Variants in SORCS3 observed in about 807,000 individuals in gnomAD.
The protein encoded by SORCS3 is VPS10 domain-containing receptor SorCS3.
A neutral mutation model predicts 146.3 loss-of-function variants in SORCS3; 57 were observed. That is an observed-to-expected ratio of 0.39 (90% CI 0.31 to 0.49). The LOEUF is 0.49. Among genes scored for constraint, SORCS3 ranks in the 20% least tolerant of loss-of-function variants. The pLI, the probability that SORCS3 is intolerant of heterozygous loss-of-function variation, is 0.92. For synonymous variants in SORCS3, 653 were observed against 618.5 expected, an observed-to-expected ratio of 1.06 and a Z score of -0.83; for missense variants, 1,341 against 1,575.5, an observed-to-expected ratio of 0.85 and a Z score of 2.52.
At position 105,022,401 on chromosome 10, in the gene SORCS3, G is replaced by A. The variant is rs1444654485; in HGVS notation, c.955-20654G>A. ...CAACCTCTGCCCCCTAGGTTCAAGC[G>A]ATTCTACTGCCTCAGCTCCCTGAGT... On this transcript the variant is annotated intron_variant, in intron 4 of 26. Coordinates refer to ENST00000369701, the MANE Select transcript of SORCS3 (RefSeq NM_014978.3). 2.7e-5 allele frequency among the ~76,000 whole-genome samples: 4 copies of A among 150,550 alleles called. No homozygotes were observed. In the South Asian group the frequency reaches 6.3e-4, roughly 24 times the overall value.
At chr10:104,662,869 A>G (rs2015720289) in intron 1 of SORCS3, among the ~76,000 whole-genome samples, 2 of 152,172 alleles carry the variant, frequency 1.3e-5, no homozygotes, top group East Asian at 1.9e-4. Context: ...GGCACTGGGA[A>G]CTCTTAGTAA....
chr10:105,024,511 A>G (rs1380233826), intron 4 of SORCS3, among the ~76,000 whole-genome samples: 1 of 152,178 alleles, frequency 6.6e-6, no homozygotes, highest in Non-Finnish European at 1.5e-5. Flanking sequence ...CACAGCCCTG[A>G]AATAAGAAGA....
At chr10:105,246,569 A>G (rs1422564623) in intron 21 of SORCS3, among the ~76,000 whole-genome samples, 4 of 152,230 alleles carry the variant, frequency 2.6e-5, no homozygotes, top group Non-Finnish European at 5.9e-5. Flanking sequence ...GCCTCACACC[A>G]GGTAAATTCT....
chr10:105,135,546 G>T (rs756896713), intron 7 of SORCS3, among the ~76,000 whole-genome samples: 1 of 152,188 alleles, frequency 6.6e-6, no homozygotes, highest in Non-Finnish European at 1.5e-5. Context: ...TACATGGCCA[G>T]GCTGAGAATT....
At chr10:105,188,393 C>A (rs370400896) in intron 14 of SORCS3, among the ~76,000 whole-genome samples, 1 of 152,032 alleles carries the variant, frequency 6.6e-6, no homozygotes, top group East Asian at 1.9e-4. Flanking sequence ...TTGAGTTTAT[C>A]CTGATGATGA....
chr10:104,689,050 C>G (rs2016083033), intron 1 of SORCS3, among the ~76,000 whole-genome samples: 1 of 152,258 alleles, frequency 6.6e-6, no homozygotes, highest in African/African-American at 2.4e-5. Context: ...TTAGGGCACT[C>G]ACACTTTGGC....
intron 20 of SORCS3, among the ~76,000 whole-genome samples, chr10:105,228,410 C>T (rs1201403248): frequency 1.3e-5 from 2 of 150,324 alleles, no homozygotes; most frequent in South Asian, 2.1e-4. Flanking sequence ...TTTCTTCTTT[C>T]TTTCTCTGTT....
chr10:104,852,468 T>A (rs2018283403), intron 2 of SORCS3, among the ~76,000 whole-genome samples: 1 of 152,178 alleles, frequency 6.6e-6, no homozygotes. Context: ...ATTATGAGAA[T>A]CACCTGGGAA....
chr10:104,974,641 CTT>C (rs2054883529), intron 3 of SORCS3, among the ~76,000 whole-genome samples: 1 of 152,138 alleles, frequency 6.6e-6, no homozygotes, highest in Non-Finnish European at 1.5e-5. Context: ...GGTCTTGACT[CTT>C]TATCCAATTT....
intron 8 of SORCS3, among the ~76,000 whole-genome samples, chr10:105,141,656 G>T (rs1353120857): frequency 6.6e-6 from 1 of 152,158 alleles, no homozygotes; most frequent in African/African-American, 2.4e-5. Flanking sequence ...CATTAACAAT[G>T]AGGAGCATTA....
At chr10:105,260,116 T>C (rs909917816) in intron 25 of SORCS3, among the ~76,000 whole-genome samples, 1 of 152,222 alleles carries the variant, frequency 6.6e-6, no homozygotes, top group African/African-American at 2.4e-5. Context: ...ATGAAAAATA[T>C]GCCAGTTTTT....
At chr10:104,704,592 A>C (rs2133433525) in intron 1 of SORCS3, among the ~76,000 whole-genome samples, 2 of 152,206 alleles carry the variant, frequency 1.3e-5, no homozygotes, top group East Asian at 3.9e-4. Context: ...TTAGAGGCAG[A>C]CCTGCTTACA....
At chr10:104,761,105 T>C (rs2017116638) in intron 1 of SORCS3, among the ~76,000 whole-genome samples, 2 of 152,206 alleles carry the variant, frequency 1.3e-5, no homozygotes, top group African/African-American at 4.8e-5. Flanking sequence ...TGTGATTGTT[T>C]AGCCCTTTGA....
intron 4 of SORCS3, among the ~76,000 whole-genome samples, chr10:105,042,670 G>A (rs368828891): frequency 6.6e-6 from 1 of 152,118 alleles, no homozygotes; most frequent in African/African-American, 2.4e-5. Flanking sequence ...AGAGCAGTAA[G>A]AAATGAAAGT....
At chr10:105,020,152 G>T (rs958730669) in intron 4 of SORCS3, among the ~76,000 whole-genome samples, 1 of 152,170 alleles carries the variant, frequency 6.6e-6, no homozygotes, top group South Asian at 2.1e-4. Flanking sequence ...TAGTGGCCGT[G>T]GTCTTGTTTC....
At chr10:105,022,386 C>A (rs1350743894) in intron 4 of SORCS3, among the ~76,000 whole-genome samples, 1 of 151,246 alleles carries the variant, frequency 6.6e-6, no homozygotes, top group African/African-American at 2.4e-5. Context: ...CAACCTCTGC[C>A]CCCTAGGTTC....
chr10:104,664,052 G>T (rs561555512), intron 1 of SORCS3, among the ~76,000 whole-genome samples: 6 of 152,304 alleles, frequency 3.9e-5, no homozygotes, highest in Admixed American at 3.9e-4. Context: ...CTGGGCTCAG[G>T]CATGACTTGG....
chr10:105,139,444 G>A lies in SORCS3; in HGVS notation c.1260G>A (p.Glu420=). 6.2e-7 allele frequency: 1 copy of A among 1,613,686 alleles called. No homozygotes were observed. Among genetic ancestry groups the A allele is most frequent in the South Asian group, 1.1e-5 (1 of 91,048 alleles). Residue 420 remains glutamate (E), a synonymous_variant, in exon 8 of 27, where the codon GAG becomes GAA. Transcript: ENST00000369701. ...RASYYVSYRR[E]AFAQIKLPKY... is the part of the protein sequence containing the mutation. The stretch of plus-strand genomic sequence containing the variant: ...GCTACTACGTGTCTTATCGAAGAGA[G>A]GCCTTTGCTCAGATAAAGCTGCCTA...
chr10:105,167,763 G>T (rs1236075965), intron 13 of SORCS3, among the ~76,000 whole-genome samples: 1 of 152,100 alleles, frequency 6.6e-6, no homozygotes, highest in East Asian at 1.9e-4. Context: ...GCCATGAGTT[G>T]TCAGATATAT....
Sources: gnomAD v4.1 joint callset for allele counts (sites outside exome capture counted in the v4.1 genomes callset) on GRCh38, gnomAD v4.1.1 for gene constraint, MANE v1.5 for transcripts, NCBI Gene and HGNC (gene_info 2026-07-23, HGNC 2026-07-21) for gene names.